ITK: variants seen among roughly 807,000 people sequenced by gnomAD.
ITK encodes IL2 inducible T cell kinase, also known as tyrosine-protein kinase ITK/TSK.
Under a neutral mutation model 87.6 loss-of-function variants are expected in ITK, and 45 were observed. The ratio of observed to expected loss-of-function variants is 0.51; its 90% CI spans 0.40 to 0.66. ITK has a LOEUF of 0.66. ITK is among the 30% of genes least tolerant of loss of function. The pLI is 0.00. For missense variants in ITK, 605 were observed against 766.3 expected, an observed-to-expected ratio of 0.79 and a Z score of 2.48; for synonymous variants, 303 against 273.6, an observed-to-expected ratio of 1.11 and a Z score of -1.06.
At chr5:157,231,344 A>G (rs1754648146) in intron 7 of ITK, among the ~76,000 whole-genome samples, 1 of 152,204 alleles carries the variant, frequency 6.6e-6, no homozygotes, top group South Asian at 2.1e-4. Flanking sequence ...CATGCTGGTG[A>G]CAACCTTTTC....
intron 3 of ITK, chr5:157,213,570 A>T (rs1371680386): frequency 4.4e-6 from 2 of 454,102 alleles, no homozygotes; most frequent in East Asian, 1.4e-4. Flanking sequence ...TTGGTAGAAA[A>T]GGGGTCTCGC....
chr5:157,211,711 T>C (rs527991926), intron 3 of ITK, among the ~76,000 whole-genome samples: 1 of 152,340 alleles, frequency 6.6e-6, no homozygotes, highest in Non-Finnish European at 1.5e-5. Flanking sequence ...AAGAACAAAT[T>C]TGCCAACTCC....
chr5:157,221,502 T>A (rs546900472), intron 5 of ITK, among the ~76,000 whole-genome samples: 1 of 152,244 alleles, frequency 6.6e-6, no homozygotes, highest in East Asian at 1.9e-4. Flanking sequence ...TGTGGGACTC[T>A]ACAGAGCATT....
At chr5:157,241,957 T>C (rs1239964999) in intron 11 of ITK, among the ~76,000 whole-genome samples, 1 of 152,250 alleles carries the variant, frequency 6.6e-6, no homozygotes, top group Non-Finnish European at 1.5e-5. Context: ...GAAGAGTTCA[T>C]TAATGAAGTG....
chr5:157,240,336 G>A (rs1235053715), intron 10 of ITK, 141 bp downstream of exon 10: 1 of 776,016 alleles, frequency 1.3e-6, no homozygotes, highest in Non-Finnish European at 2.2e-6. Context: ...ATTGTGAACA[G>A]CACTTGTGGG....
chr5:157,211,667 A>G (rs1187507599), intron 3 of ITK, among the ~76,000 whole-genome samples: 3 of 152,250 alleles, frequency 2.0e-5, no homozygotes, highest in Non-Finnish European at 4.4e-5. Flanking sequence ...TCTCATGGTC[A>G]GTAAAACCTA....
rs184075368 is a variant in ITK at position 157,185,478 on chromosome 5, G to C, written c.138+4363G>C. On this transcript the variant is annotated intron_variant, in intron 1 of 16. Coordinates refer to ENST00000422843, the MANE Select transcript of ITK (RefSeq NM_005546.4). ...GCTGGTCTCGAACTCCTGACCTCAT[G>C]GTCTGCCCACCTCGGCCTCCCAAAG... Among the ~76,000 whole-genome samples the C allele has an allele frequency of 6.5e-3, 982 of 152,092 alleles. 12 individuals carry two copies. Among genetic ancestry groups the C allele is most frequent in the African/African-American group, 0.022 (932 of 41,490 alleles).
At chr5:157,235,269 C>T (rs2113769184) in intron 8 of ITK, among the ~76,000 whole-genome samples, 1 of 152,276 alleles carries the variant, frequency 6.6e-6, no homozygotes, top group South Asian at 2.1e-4. Context: ...AGAGGTGGCA[C>T]CCAAGTTATT....
At chr5:157,190,323 G>T (rs893082641) in intron 1 of ITK, among the ~76,000 whole-genome samples, 2 of 151,928 alleles carry the variant, frequency 1.3e-5, no homozygotes, top group Non-Finnish European at 2.9e-5. Context: ...GATTATTATT[G>T]GTTTGTTTGT....
Position 157,254,255 on chromosome 5 carries a change from T to C in ITK, c.*1577T>C, listed in dbSNP as rs1755207914. ...GATGGCATGGCCCTCCAACTTGGAA[T>C]AGGATTTTCCTTTTCCTATTCTGTA... On this transcript the variant is annotated 3_prime_UTR_variant, in exon 17 of 17. Coordinates refer to ENST00000422843, the MANE Select transcript of ITK (RefSeq NM_005546.4). 8.7e-6 allele frequency: 2 copies of C among 229,152 alleles called. No individual in the cohort carries two copies. Among genetic ancestry groups the C allele is most frequent in the Middle Eastern group, 1.3e-3 (1 of 788 alleles). 14.2% of individuals were successfully genotyped at this position (229,152 alleles called of 1,614,324 possible). A position where few individuals can be genotyped will look rare whatever the true frequency, so the allele number is the denominator to read the frequency against.
intron 1 of ITK, 41 bp from the exon 2 acceptor site, chr5:157,208,848 C>A: frequency 7.1e-7 from 1 of 1,401,156 alleles, no homozygotes; most frequent in Non-Finnish European, 1.0e-6. Context: ...AAAATATTGT[C>A]TTCTTTCTTA....
intron 11 of ITK, 30 bp downstream of exon 11, chr5:157,241,750 A>T (rs564057382): frequency 4.5e-5 from 71 of 1,562,976 alleles, no homozygotes; most frequent in Non-Finnish European, 6.3e-5. Context: ...ATGTAAACTC[A>T]TGTCCCTAAA....
intron 1 of ITK, among the ~76,000 whole-genome samples, chr5:157,193,438 T>C (rs1025810981): frequency 2.0e-5 from 3 of 152,200 alleles, no homozygotes; most frequent in African/African-American, 7.2e-5. Context: ...GTGTAACCAA[T>C]ACAAAATCTG....
Position 157,240,089 on chromosome 5 carries a change from T to G in ITK, c.879T>G (p.Tyr293Ter). Residue 293 changes from tyrosine to a stop codon, truncating the protein, a stop_gained, in exon 10 of 17, where the codon TAT becomes TAG. Coordinates refer to ENST00000422843, the MANE Select transcript of ITK (RefSeq NM_005546.4). LOFTEE classifies it high-confidence loss of function. ...AGAACAATCCCTGTATAAAGCATTATCACATCAAGGAAACAAATGACAATC... is the reference window on the plus strand; with the variant it reads ...AGAACAATCCCTGTATAAAGCATTAGCACATCAAGGAAACAAATGACAATC... ...VSENNPCIKH[Y>*]HIKETNDNPK... 1 of 1,611,736 alleles carries G rather than the reference T, an allele frequency of 6.2e-7. No individual in the cohort carries two copies. Among genetic ancestry groups the G allele is most frequent in the Non-Finnish European group, 8.5e-7 (1 of 1,177,782 alleles).
chr5:157,245,700 C>T, intron 13 of ITK, 26 bp from the exon 14 acceptor site: 2 of 1,606,390 alleles, frequency 1.2e-6, no homozygotes. Flanking sequence ...TTCCTCTCCG[C>T]CTTTGTTTGC....
chr5:157,226,750 G>A (rs901763227), intron 6 of ITK, among the ~76,000 whole-genome samples: 1 of 152,068 alleles, frequency 6.6e-6, no homozygotes, highest in South Asian at 2.1e-4. Flanking sequence ...ATTAAAACAT[G>A]TTATGGAATA....
At chr5:157,189,525 C>CA (rs1283783740) in intron 1 of ITK, among the ~76,000 whole-genome samples, 1 of 152,058 alleles carries the variant, frequency 6.6e-6, no homozygotes, top group Non-Finnish European at 1.5e-5. Flanking sequence ...ACTAAAAATA[C>CA]AAAAAATTAG....
chr5:157,190,942 T>C (rs887250375), intron 1 of ITK, among the ~76,000 whole-genome samples: 2 of 152,070 alleles, frequency 1.3e-5, no homozygotes, highest in African/African-American at 2.4e-5. Flanking sequence ...GTTTCCAAGG[T>C]TGAAGCAGTG....
chr5:157,232,532 T>A, intron 8 of ITK, 138 bp downstream of exon 8: 1 of 611,966 alleles, frequency 1.6e-6, no homozygotes, highest in Non-Finnish European at 3.1e-6. Context: ...CAGTGAGCTA[T>A]CATTGTACCA....
Sources: allele counts gnomAD v4.1 joint callset (sites outside exome capture counted in the v4.1 genomes callset), GRCh38; gene constraint gnomAD v4.1.1; transcripts MANE v1.5; gene names NCBI Gene and HGNC (gene_info 2026-07-23, HGNC 2026-07-21).